The following ERI3 variants were observed in gnomAD, a reference collection of about 807,000 sequenced individuals.
The protein encoded by ERI3 is ERI1 exoribonuclease family member 3.
Under a neutral mutation model 44.4 loss-of-function variants are expected in ERI3, and 18 were observed. The ratio of observed to expected loss-of-function variants is 0.41; its 90% CI spans 0.28 to 0.60. The LOEUF is 0.60. Among genes scored for constraint, ERI3 ranks in the 20% least tolerant of loss-of-function variants. ERI3 has a pLI of 0.36. For missense variants in ERI3, 294 were observed against 435.5 expected, an observed-to-expected ratio of 0.68 and a Z score of 2.89; for synonymous variants, 183 against 164.8, an observed-to-expected ratio of 1.11 and a Z score of -0.84.
Position 44,241,155 on chromosome 1 carries a change from G to A in ERI3, c.931+6784C>T, listed in dbSNP as rs1644424553. Among the ~76,000 whole-genome samples the A allele has an allele frequency of 6.6e-6, 1 of 152,154 alleles. No individual in the cohort carries two copies. Among genetic ancestry groups the A allele is most frequent in the Non-Finnish European group, 1.5e-5 (1 of 68,026 alleles). ...ACTGGGGGAGGGGCTGGCCTGGTCT[G>A]GGCCCTGACATTGTCTCTCACCTTA... is the stretch of plus-strand genomic sequence containing the variant. On this transcript the variant is annotated intron_variant, in intron 8 of 8. Transcript: ENST00000372257. This position sits in a 1 kb window ranked among gnomAD's most constrained non-coding sequence, Gnocchi z 5.6.
intron 4 of ERI3, among the ~76,000 whole-genome samples, chr1:44,317,144 G>GCGCACA (rs138612547): frequency 5.3e-5 from 8 of 151,016 alleles, no homozygotes; most frequent in Non-Finnish European, 1.0e-4. Context: ...GCATGTGCGT[G>GCGCACA]CACACACACA....
intron 7 of ERI3, among the ~76,000 whole-genome samples, chr1:44,259,190 A>G (rs1472953723): frequency 6.6e-6 from 1 of 152,172 alleles, no homozygotes; most frequent in African/African-American, 2.4e-5. Context: ...AAGACACATA[A>G]GCTTTTATAA....
intron 3 of ERI3, among the ~76,000 whole-genome samples, chr1:44,334,847 C>T (rs577935268): frequency 5.3e-5 from 8 of 152,316 alleles, no homozygotes; most frequent in South Asian, 4.1e-4. Flanking sequence ...GTTAGTTTTT[C>T]GTGATGGCAT....
intron 2 of ERI3, among the ~76,000 whole-genome samples, chr1:44,348,141 C>T (rs528973641): frequency 6.6e-6 from 1 of 152,316 alleles, no homozygotes; most frequent in East Asian, 1.9e-4. Flanking sequence ...GCCTAAGCAG[C>T]AAACAAAGCT....
At chr1:44,231,614 G>A (rs1259050138) in intron 8 of ERI3, among the ~76,000 whole-genome samples, 1 of 152,106 alleles carries the variant, frequency 6.6e-6, no homozygotes, top group Non-Finnish European at 1.5e-5. Flanking sequence ...CCAAAGTGCT[G>A]GGATTATAGA....
At chr1:44,352,249 TTA>T (rs1646906546) in intron 2 of ERI3, among the ~76,000 whole-genome samples, 1 of 152,144 alleles carries the variant, frequency 6.6e-6, no homozygotes, top group Non-Finnish European at 1.5e-5. Context: ...GCAACCTAAA[TTA>T]AACCAAGATC....
At chr1:44,290,764 A>T (rs746443539) in intron 6 of ERI3, among the ~76,000 whole-genome samples, 2 of 152,082 alleles carry the variant, frequency 1.3e-5, no homozygotes, top group East Asian at 3.9e-4. Context: ...CTTTTCCTCA[A>T]GTTGAGGAGA....
chr1:44,335,468 T>G (rs181937387), intron 3 of ERI3, among the ~76,000 whole-genome samples: 1 of 151,928 alleles, frequency 6.6e-6, no homozygotes, highest in Admixed American at 6.6e-5. Flanking sequence ...ACCTTACTCA[T>G]AAAGAATCAG....
At chr1:44,345,265 A>G (rs2154331919) in intron 2 of ERI3, among the ~76,000 whole-genome samples, 1 of 152,284 alleles carries the variant, frequency 6.6e-6, no homozygotes, top group South Asian at 2.1e-4. Flanking sequence ...AGGCCAAGGG[A>G]GTCCTCAGGA....
chr1:44,344,291 A>G (rs1425081416), intron 2 of ERI3, among the ~76,000 whole-genome samples: 1 of 151,682 alleles, frequency 6.6e-6, no homozygotes, highest in Non-Finnish European at 1.5e-5. Context: ...TTGTTTTTTA[A>G]AATCCATGTG....
chr1:44,300,676 C>T (rs1007373821), intron 6 of ERI3, among the ~76,000 whole-genome samples: 4 of 152,168 alleles, frequency 2.6e-5, no homozygotes, highest in Non-Finnish European at 5.9e-5. Flanking sequence ...AATGGTTAAT[C>T]CCCAGCCAAG....
intron 8 of ERI3, among the ~76,000 whole-genome samples, chr1:44,234,149 C>G (rs1644251593): frequency 6.6e-6 from 1 of 152,172 alleles, no homozygotes; most frequent in Non-Finnish European, 1.5e-5. Flanking sequence ...TCTCCGTGGG[C>G]AAACTTATCC....
chr1:44,233,915 C>T (rs151138675), intron 8 of ERI3, among the ~76,000 whole-genome samples: 1 of 152,304 alleles, frequency 6.6e-6, no homozygotes, highest in African/African-American at 2.4e-5. Flanking sequence ...ACTGCTTTCT[C>T]TAATGATCCC....
rs1269989182 is a variant in ERI3, at chr1:44,235,825, G to C, written c.931+12114C>G. ...GTCCTGCAAACCCAGGCAGTCAAGG[G>C]TGGCAGTGGTGGTGCTGGGGCGCCC... is the stretch of plus-strand genomic sequence containing the variant. On this transcript the variant is annotated intron_variant, in intron 8 of 8. Transcript: ENST00000372257. This position sits in a 1 kb window ranked among gnomAD's most constrained non-coding sequence, Gnocchi z 4.6. 6.6e-6 allele frequency among the ~76,000 whole-genome samples: 1 copy of C among 152,166 alleles called. No homozygotes were observed. Among genetic ancestry groups the C allele is most frequent in the African/African-American group, 2.4e-5 (1 of 41,446 alleles).
In ERI3 at chr1:44,323,099, C is replaced by CAGGA. The variant is rs1273126659; in HGVS notation, c.490-3359_490-3356dup. On this transcript the variant is annotated intron_variant, in intron 3 of 8. Transcript: ENST00000372257. ...AAACAGTTTTGTGTAAAAGTAGCAC[C>CAGGA]AGGAAGGAAGGAAGGACCAGTCGTA... 1.1e-5 allele frequency: 5 copies of CAGGA among 475,022 alleles called. No individual in the cohort carries two copies. The Admixed American group carries it at 1.8e-4, about 17-fold the overall frequency. The allele number at this position is 475,022 out of a possible 1,614,324, so 29.4% of individuals were successfully genotyped here.
At chr1:44,254,746 T>C (rs761482259) in intron 7 of ERI3, among the ~76,000 whole-genome samples, 10 of 152,002 alleles carry the variant, frequency 6.6e-5, no homozygotes, top group Non-Finnish European at 1.0e-4. Context: ...ATGCCCCTTA[T>C]CTACAAATGC....
chr1:44,353,120 T>A, intron 1 of ERI3, 195 bp from the exon 2 acceptor site: 1 of 985,436 alleles, frequency 1.0e-6, no homozygotes. Flanking sequence ...TCTCTAGTCA[T>A]ATACTTTTGC....
At chr1:44,242,057 T>C in intron 8 of ERI3, 1 of 985,664 alleles carries the variant, frequency 1.0e-6, no homozygotes, top group Non-Finnish European at 1.2e-6. Context: ...CCCCAGGCAC[T>C]ATCCAGGCAG....
chr1:44,264,447 T>C (rs1216310581), intron 7 of ERI3, among the ~76,000 whole-genome samples: 7 of 152,346 alleles, frequency 4.6e-5, no homozygotes, highest in Non-Finnish European at 8.8e-5. Flanking sequence ...TTCTGATCAA[T>C]CTGAATTTTC....
Sources: gnomAD v4.1 joint callset for allele counts (sites outside exome capture counted in the v4.1 genomes callset) on GRCh38, gnomAD v4.1.1 for gene constraint, Gnocchi (gnomAD v3.1) non-coding constraint, MANE v1.5 for transcripts, NCBI Gene and HGNC (gene_info 2026-07-23, HGNC 2026-07-21) for gene names.